The following ANK2 variants were observed in gnomAD, a reference collection of about 807,000 sequenced individuals.
The protein encoded by ANK2 is ankyrin 2.
Under a neutral mutation model 360.5 loss-of-function variants are expected in ANK2, and 83 were observed. That is an observed-to-expected ratio of 0.23 (90% CI 0.19 to 0.28). The LOEUF is 0.28. Ranked by LOEUF, ANK2 falls within the 10% of genes least tolerant of loss-of-function variation. The pLI, the probability that ANK2 is intolerant of heterozygous loss-of-function variation, is 1.00. For missense variants in ANK2, 4,201 were observed against 4,795.7 expected (o/e 0.88, Z 3.66); for synonymous variants, 1,740 against 1,759.5 (o/e 0.99, Z 0.28).
In ANK2 at chr4:113,357,536, T is replaced by G. The variant is rs142302291; in HGVS notation, c.8918T>G (p.Val2973Gly). Residue 2973 changes from valine (V) to glycine (G), a missense_variant, in exon 38 of 46, where the codon GTG becomes GGG. By Grantham distance (109) the Val-to-Gly change is moderately radical. Around this residue, in one of 4 missense-constraint regions of ANK2, gnomAD observed 2,642 missense variants for 2,714.5 expected, o/e 0.97. Transcript: ENST00000357077. ...TITSPVEDVVVASSSSGTVLS... is the reference protein window; with the variant it reads ...TITSPVEDVVGASSSSGTVLS... ...ACATCCCCTGTTGAAGACGTTGTAG[T>G]GGCAAGCTCCTCTAGTGGAACTGTT... 7.2e-5 allele frequency: 117 copies of G among 1,614,060 alleles called. No homozygotes were observed. Among genetic ancestry groups the G allele is most frequent in the Non-Finnish European group, 8.7e-5 (103 of 1,180,008 alleles).
At chr4:113,105,915 A>C (rs776541930) in intron 1 of ANK2, among the ~76,000 whole-genome samples, 13 of 152,232 alleles carry the variant, frequency 8.5e-5, no homozygotes, top group Admixed American at 2.0e-4. Flanking sequence ...AATGAAGTTA[A>C]GAGAAATCCT....
At chr4:112,803,246 C>T in the ANK2 span, among the ~76,000 whole-genome samples, 2 of 152,014 alleles carry the variant, frequency 1.3e-5, no homozygotes, top group Non-Finnish European at 2.9e-5. Flanking sequence ...TCCAGGAACC[C>T]TTAAATGTTA....
At chr4:113,210,857 C>T (rs937497251) in intron 4 of ANK2, among the ~76,000 whole-genome samples, 1 of 152,134 alleles carries the variant, frequency 6.6e-6, no homozygotes, top group South Asian at 2.1e-4. Flanking sequence ...TTTGTTGGTT[C>T]TTTAGGTCCT....
In ANK2 at chr4:113,157,862, T is replaced by C. The variant is rs138688263; in HGVS notation, c.85-16554T>C. ...ACCCCAAAGTATACAGATGAATCAT[T>C]TAACCTTATGAGACCTTGGTTTTCT... On this transcript the variant is annotated intron_variant, in intron 1 of 45. Coordinates refer to ENST00000357077, the MANE Select transcript of ANK2 (RefSeq NM_001148.6). Among the ~76,000 whole-genome samples the C allele has an allele frequency of 1.9e-4, 29 of 152,332 alleles. No individual in the cohort carries two copies. In the East Asian group the frequency reaches 5.4e-3, roughly 28 times the overall value.
intron 2 of ANK2, among the ~76,000 whole-genome samples, chr4:113,177,529 A>T (rs1456877018): frequency 1.3e-5 from 2 of 152,228 alleles, no homozygotes; most frequent in Non-Finnish European, 2.9e-5. Flanking sequence ...AGAGAACCTA[A>T]GGAAAAGAAA....
intron 23 of ANK2, among the ~76,000 whole-genome samples, chr4:113,308,405 A>G (rs576470679): frequency 2.0e-5 from 3 of 152,350 alleles, no homozygotes; most frequent in Admixed American, 6.5e-5. Context: ...CAATTGGAAT[A>G]TAGATGCAAA....
chr4:112,819,597 CCA>C (rs2056400157), intron 1 of ANK2, among the ~76,000 whole-genome samples: 3 of 152,106 alleles, frequency 2.0e-5, no homozygotes, highest in Non-Finnish European at 4.4e-5. Context: ...CATGCCCCAC[CCA>C]GTGTTGTGAA....
chr4:113,161,844 C>G (rs547464724), intron 1 of ANK2, among the ~76,000 whole-genome samples: 2 of 152,210 alleles, frequency 1.3e-5, no homozygotes, highest in South Asian at 4.1e-4. Flanking sequence ...ACAAGAGGCC[C>G]TTCCTTATTC....
intron 2 of ANK2, among the ~76,000 whole-genome samples, chr4:113,191,550 A>G (rs1299339204): frequency 9.2e-5 from 14 of 152,250 alleles, no homozygotes; most frequent in Admixed American, 9.2e-4. Flanking sequence ...ACGTAAACGT[A>G]TGTTGAACTC....
At chr4:112,845,091 G>C (rs1314363065) in intron 1 of ANK2, among the ~76,000 whole-genome samples, 2 of 152,082 alleles carry the variant, frequency 1.3e-5, no homozygotes, top group Non-Finnish European at 2.9e-5. Context: ...GTAGACATTG[G>C]TTCATAAAAA....
intron 2 of ANK2, among the ~76,000 whole-genome samples, chr4:112,973,792 T>C (rs2040421336): frequency 1.3e-5 from 2 of 152,218 alleles, no homozygotes; most frequent in Non-Finnish European, 2.9e-5. Flanking sequence ...AGGAGCTGAA[T>C]TAAAACCTGA....
intron 14 of ANK2, among the ~76,000 whole-genome samples, chr4:113,273,092 G>T (rs997385369): frequency 6.6e-6 from 1 of 151,896 alleles, no homozygotes; most frequent in Non-Finnish European, 1.5e-5. Flanking sequence ...ACTTTGTTCC[G>T]ACAGGTCTGT....
chr4:113,061,731 G>A (rs1268958106), intron 1 of ANK2, among the ~76,000 whole-genome samples: 2 of 152,048 alleles, frequency 1.3e-5, no homozygotes, highest in Admixed American at 1.3e-4. Flanking sequence ...TAATACTGCT[G>A]TTGTTTAATG....
At chr4:112,982,777 T>A (rs1414609080) in intron 2 of ANK2, among the ~76,000 whole-genome samples, 1 of 152,146 alleles carries the variant, frequency 6.6e-6, no homozygotes, top group African/African-American at 2.4e-5. Flanking sequence ...ATTATACTAC[T>A]AAGAACATAC....
At chr4:113,164,566 C>A (rs1387913128) in intron 1 of ANK2, among the ~76,000 whole-genome samples, 1 of 152,172 alleles carries the variant, frequency 6.6e-6, no homozygotes, top group Non-Finnish European at 1.5e-5. Flanking sequence ...TGCTTCAGAG[C>A]AGATGGTCTC....
In ANK2 at chr4:112,960,046, G is replaced by T. The variant is rs114054516; in HGVS notation, c.21+55532G>T. Among the ~76,000 whole-genome samples, 254 of 152,208 alleles carry T rather than the reference G, an allele frequency of 1.7e-3. 2 individuals carry two copies. Among genetic ancestry groups the T allele is most frequent in the African/African-American group, 6.0e-3 (249 of 41,522 alleles). ...TGTGGTGGTCTCCTGTGGTGGCAAT[G>T]ATAATAATAATAATTTATTTAAAAT... On this transcript the variant is annotated intron_variant, in intron 2 of 30. Transcript: ENST00000503271.
intron 1 of ANK2, among the ~76,000 whole-genome samples, chr4:113,164,746 C>A (rs1278078502): frequency 1.3e-5 from 2 of 152,140 alleles, no homozygotes; most frequent in African/African-American, 4.8e-5. Context: ...GTTCTAAAAG[C>A]CTTGAAGGAG....
In ANK2 at chr4:113,358,722, C is replaced by T; in HGVS notation, c.10104C>T (p.Val3368=). Residue 3368 remains valine, a synonymous_variant, in exon 38 of 46, where the codon GTC becomes GTT. Transcript: ENST00000357077. The stretch of plus-strand genomic sequence containing the variant: ...AGCTCTCAGATCTAGACACCTCTGT[C>T]CAGAAGACAGTGGCTCCTCAGGGAC... ...EQQLSDLDTS[V]QKTVAPQGQD... is the part of the protein sequence containing the mutation. The T allele has an allele frequency of 1.2e-6, 2 of 1,614,062 alleles. No individual in the cohort carries two copies. Among genetic ancestry groups the T allele is most frequent in the Non-Finnish European group, 1.7e-6 (2 of 1,179,964 alleles).
intron 2 of ANK2, among the ~76,000 whole-genome samples, chr4:112,999,901 G>C (rs1174938464): frequency 6.6e-6 from 1 of 152,168 alleles, no homozygotes; most frequent in African/African-American, 2.4e-5. Context: ...TAGTAAAGTT[G>C]TGGCAATTAA....
Sources: gnomAD v4.1 joint callset for allele counts (sites outside exome capture counted in the v4.1 genomes callset) on GRCh38, gnomAD v4.1.1 for gene constraint, gnomAD v4.1.1 regional missense constraint, MANE v1.5 for transcripts, NCBI Gene and HGNC (gene_info 2026-07-23, HGNC 2026-07-21) for gene names.